MICOS13: variants seen among roughly 807,000 people sequenced by gnomAD.
The protein encoded by MICOS13 is mitochondrial contact site and cristae organizing system subunit 13.
A neutral mutation model predicts 16.1 loss-of-function variants in MICOS13; 15 were observed. That is an observed-to-expected ratio of 0.93 (90% confidence interval 0.62 to 1.44). The LOEUF (loss-of-function observed/expected upper bound fraction) is 1.44, where lower values mean the gene tolerates loss of function less well. MICOS13 is among the 40% of genes most tolerant of loss of function. MICOS13 has a pLI of 0.00. For synonymous variants in MICOS13, 61 were observed against 62.6 expected, an observed-to-expected ratio of 0.97 and a Z score of 0.12; for missense variants, 164 against 155.0, an observed-to-expected ratio of 1.06 and a Z score of -0.31.
rs1003545178 is a variant in MICOS13 at position 5,678,648 on chromosome 19, C to T, written c.260G>A (p.Gly87Asp). The change falls in exon 4 of 4, where the codon GGC becomes GAC. Residue 87 changes from glycine to aspartate, a missense_variant and splice_region_variant. Transcript: ENST00000309324. ...CAGAGCTGACATCACCGTCATGATG[C>T]CTGTGGGAAAGGGACGGCCACTGGT... Reference protein sequence around the residue: ...YFPIRDSWNAGIMTVMSALSV... With the variant: ...YFPIRDSWNADIMTVMSALSV... The T allele has an allele frequency of 2.0e-6, 3 of 1,528,036 alleles. No individual in the cohort carries two copies. Among genetic ancestry groups the T allele is most frequent in the East Asian group, 2.5e-5 (1 of 39,332 alleles). 94.7% of individuals were successfully genotyped at this position (1,528,036 alleles called of 1,614,324 possible).
At chr19:5,680,335 G>A (rs1312227087) in intron 1 of MICOS13, 123 bp downstream of exon 1, 5 of 1,605,584 alleles carry the variant, frequency 3.1e-6, no homozygotes, top group Non-Finnish European at 3.4e-6. Flanking sequence ...CCCATAGGCG[G>A]GGAACGAAGG....
rs2145518210 is a variant in MICOS13 at position 5,678,604 on chromosome 19, C to A, written c.304G>T (p.Ala102Ser). The change falls in exon 4 of 4, where the codon GCC (alanine) becomes TCC (serine). Residue 102 changes from alanine to serine, a missense_variant. Coordinates refer to ENST00000309324, the MANE Select transcript of MICOS13 (RefSeq NM_205767.3). ...MSALSVAPSK[A>S]REYSKEGWEY... ...CAGCCCTCCTTGGAGTACTCGCGGGCCTTGGAGGGGGCCACCGACAGAGCT... is the reference window on the plus strand; with the variant it reads ...CAGCCCTCCTTGGAGTACTCGCGGGACTTGGAGGGGGCCACCGACAGAGCT... 1 of 1,547,470 alleles carries A rather than the reference C, an allele frequency of 6.5e-7. No homozygotes were observed. The highest frequency in any genetic ancestry group is 8.7e-7 in the Non-Finnish European group (1 of 1,145,642).
chr19:5,680,496 G>A lies in MICOS13; in HGVS notation c.-10C>T. ...ACACCCGGGCCACCATGGTCGCTCG[G>A]ATCCACGCGCAAGGACACTCGGCTC... On this transcript the variant is annotated 5_prime_UTR_variant, in exon 1 of 4. Transcript: ENST00000309324. 6.2e-7 allele frequency: 1 copy of A among 1,605,102 alleles called. No individual in the cohort carries two copies. The highest frequency in any genetic ancestry group is 8.5e-7 in the Non-Finnish European group (1 of 1,177,954).
chr19:5,680,095 T>C (rs1470049871), intron 1 of MICOS13: 13 of 1,535,358 alleles, frequency 8.5e-6, no homozygotes, highest in Non-Finnish European at 1.1e-5. Flanking sequence ...CAAGTGTCCC[T>C]GGGCGCCTCC....
intron 1 of MICOS13, 177 bp downstream of exon 1, chr19:5,680,281 C>G (rs757569113): frequency 1.9e-6 from 3 of 1,601,570 alleles, no homozygotes; most frequent in Non-Finnish European, 2.6e-6. Flanking sequence ...GATTGGCGAC[C>G]TCGGGAAGCC....
chr19:5,678,478 T>C lies in MICOS13; in HGVS notation c.*73A>G. 1 of 1,374,120 alleles carries C rather than the reference T, an allele frequency of 7.3e-7. No individual in the cohort carries two copies. The highest frequency in any genetic ancestry group is 1.0e-6 in the Non-Finnish European group (1 of 997,884). The allele number at this position is 1,374,120 out of a possible 1,614,324, so 85.1% of individuals were successfully genotyped here. A position where few individuals can be genotyped will look rare whatever the true frequency, so the allele number is the denominator to read the frequency against. Reference sequence around the variant, plus strand: ...GCCGGGAGCTGCCCTCGGAGTGGGGTCCCAGTCCGGAGTCTTCAGGTCAGT... The same window carrying C: ...GCCGGGAGCTGCCCTCGGAGTGGGGCCCCAGTCCGGAGTCTTCAGGTCAGT... On this transcript the variant is annotated 3_prime_UTR_variant, in exon 4 of 4. Transcript: ENST00000309324.
Position 5,679,750 on chromosome 19 carries a change from C to G in MICOS13, c.43G>C (p.Gly15Arg). 1.2e-6 allele frequency: 2 copies of G among 1,605,456 alleles called. No individual in the cohort carries two copies. The highest frequency in any genetic ancestry group is 1.7e-4 in the Middle Eastern group (1 of 6,024). The change falls in exon 2 of 4, where the codon GGA becomes CGA. Residue 15 changes from glycine (G) to arginine (R), a missense_variant. By Grantham distance (125) the Gly-to-Arg change is moderately radical. Transcript: ENST00000309324. ...VWSLMRFLIK[G>R]SVAGGAVYLV... ...TAGACGGCGCCCCCAGCCACACTTC[C>G]CTTGATGAGGAACCTGCGGGCAGGG...
chr19:5,678,474 G>A lies in MICOS13; in HGVS notation c.*77C>T. 1 of 1,352,924 alleles carries A rather than the reference G, an allele frequency of 7.4e-7. No homozygotes were observed. Among genetic ancestry groups the A allele is most frequent in the Non-Finnish European group, 1.0e-6 (1 of 978,910 alleles). The allele number at this position is 1,352,924 out of a possible 1,614,324, so 83.8% of individuals were successfully genotyped here. On this transcript the variant is annotated 3_prime_UTR_variant, in exon 4 of 4. Transcript: ENST00000309324. ...CAAGGCCGGGAGCTGCCCTCGGAGT[G>A]GGGTCCCAGTCCGGAGTCTTCAGGT... is the stretch of plus-strand genomic sequence containing the variant.
intron 3 of MICOS13, 108 bp downstream of exon 3, chr19:5,679,237 G>T: frequency 8.3e-7 from 1 of 1,203,854 alleles, no homozygotes; most frequent in Non-Finnish European, 1.2e-6. Flanking sequence ...ATCCCTAAGA[G>T]ACACGTGTCG....
chr19:5,678,733 T>TGGG, intron 3 of MICOS13, 85 bp from the exon 4 acceptor site: 18 of 252,004 alleles, frequency 7.1e-5, no homozygotes, highest in East Asian at 6.0e-4. Context: ...GAGTTTGTTT[T>TGGG]GGGCGGTGGG....
At chr19:5,680,152 A>T in intron 1 of MICOS13, 1 of 1,536,238 alleles carries the variant, frequency 6.5e-7, no homozygotes, top group Non-Finnish European at 8.7e-7. Flanking sequence ...CTTCTCATCC[A>T]CGCCAGCGGC....
chr19:5,679,553 C>G, intron 2 of MICOS13, 33 bp downstream of exon 2: 1 of 1,603,036 alleles, frequency 6.2e-7, no homozygotes, highest in Non-Finnish European at 8.5e-7. Context: ...TGACCACCCG[C>G]CAAACCCTGG....
chr19:5,678,679 T>A, intron 3 of MICOS13, 31 bp from the exon 4 acceptor site: 5 of 1,230,954 alleles, frequency 4.1e-6, no homozygotes, highest in Non-Finnish European at 5.3e-6. Flanking sequence ...CTGGTGATAC[T>A]CCCCTCCCAG....
intron 3 of MICOS13, 68 bp downstream of exon 3, chr19:5,679,277 G>A (rs375847996): frequency 5.5e-5 from 81 of 1,474,748 alleles, no homozygotes; most frequent in Non-Finnish European, 7.3e-5. Flanking sequence ...AGAAAGGAAT[G>A]GCCAGGAAGT....
At chr19:5,679,509 A>T in intron 2 of MICOS13, 77 bp downstream of exon 2, 1 of 1,593,756 alleles carries the variant, frequency 6.3e-7, no homozygotes, top group East Asian at 2.2e-5. Flanking sequence ...TATGGAGGAC[A>T]ACATCGTGCA....
chr19:5,678,885 G>C (rs1301675247), intron 3 of MICOS13: 1 of 475,560 alleles, frequency 2.1e-6, no homozygotes, highest in East Asian at 4.0e-5. Context: ...GGGACTACAA[G>C]TGCGCCACCA....
intron 1 of MICOS13, 138 bp from the exon 2 acceptor site, chr19:5,679,901 AC>A: frequency 7.4e-7 from 1 of 1,353,124 alleles, no homozygotes. Context: ...AGCACCGTCG[AC>A]CCAGACCCCT....
chr19:5,679,450 C>T, intron 2 of MICOS13, 54 bp from the exon 3 acceptor site: 1 of 1,599,104 alleles, frequency 6.3e-7, no homozygotes, highest in African/African-American at 1.3e-5. Flanking sequence ...GCAGCCCATC[C>T]CCAGAGGCGG....
rs567668228 is a variant in MICOS13 at position 5,679,549 on chromosome 19, C to T, written c.207+37G>A. On this transcript the variant is annotated intron_variant, in intron 2 of 3. Transcript: ENST00000309324. The stretch of plus-strand genomic sequence containing the variant: ...TGGAGGGACCTCCCAGAGCTGACCA[C>T]CCGCCAAACCCTGGCCTCGTTCCCG... 47 of 1,601,790 alleles carry T rather than the reference C, an allele frequency of 2.9e-5. No individual in the cohort carries two copies. The East Asian group carries it at 9.4e-4, about 32-fold the overall frequency.
Sources: allele counts gnomAD v4.1 joint callset, GRCh38; gene constraint gnomAD v4.1.1; transcripts MANE v1.5; gene names NCBI Gene and HGNC (gene_info 2026-07-23, HGNC 2026-07-21).